POLR1B: variants seen among roughly 807,000 people sequenced by gnomAD.
POLR1B encodes the protein DNA-directed RNA polymerase I subunit RPA2.
Under a neutral mutation model 105.8 loss-of-function variants are expected in POLR1B, and 30 were observed. That is an observed-to-expected ratio of 0.28 (90% CI 0.21 to 0.38). The LOEUF is 0.38. Among genes scored for constraint, POLR1B ranks in the 10% least tolerant of loss-of-function variants. POLR1B has a pLI of 1.00. For synonymous variants in POLR1B, 485 were observed against 505.1 expected, an observed-to-expected ratio of 0.96 and a Z score of 0.53; for missense variants, 976 against 1,435.8, an observed-to-expected ratio of 0.68 and a Z score of 5.17.
chr2:112,579,081 G>A lies in POLR1B; in HGVS notation c.*3352G>A, dbSNP rs768646445. Among the ~76,000 whole-genome samples, 5 of 151,842 alleles carry A rather than the reference G, an allele frequency of 3.3e-5. No individual in the cohort carries two copies. The highest frequency in any genetic ancestry group is 7.4e-5 in the Non-Finnish European group (5 of 67,948). On this transcript the variant is annotated 3_prime_UTR_variant, in exon 15 of 15. Coordinates refer to ENST00000263331, the MANE Select transcript of POLR1B (RefSeq NM_019014.6). ...AAATTAGCTGGGTGTGATGGCACAC[G>A]CCTGTAATCCCAGCTACTCAGGAGG...
At chr2:112,559,218 T>G in intron 8 of POLR1B, 75 bp from the exon 9 acceptor site, 1 of 1,531,098 alleles carries the variant, frequency 6.5e-7, no homozygotes, top group Non-Finnish European at 8.9e-7. Flanking sequence ...TCTGAGGTTT[T>G]GTCGTCATAA....
intron 9 of POLR1B, among the ~76,000 whole-genome samples, chr2:112,562,719 CT>C (rs1684054395): frequency 7.6e-6 from 1 of 131,776 alleles, no homozygotes; most frequent in Admixed American, 7.4e-5. Flanking sequence ...GTGACAATTT[CT>C]TTTTTTTCTT....
chr2:112,553,915 C>CA (rs1479403382), intron 7 of POLR1B, among the ~76,000 whole-genome samples: 2 of 152,068 alleles, frequency 1.3e-5, no homozygotes, highest in African/African-American at 4.8e-5. Flanking sequence ...TGGCATGGCA[C>CA]AAAAATGATT....
At chr2:112,567,280 G>A (rs1464380493) in intron 10 of POLR1B, among the ~76,000 whole-genome samples, 1 of 151,974 alleles carries the variant, frequency 6.6e-6, no homozygotes, top group Non-Finnish European at 1.5e-5. Context: ...ATCCCCATGA[G>A]TTCTGACACA....
chr2:112,559,016 T>C (rs1413380870), intron 8 of POLR1B, among the ~76,000 whole-genome samples: 3 of 151,900 alleles, frequency 2.0e-5, no homozygotes, highest in Non-Finnish European at 4.4e-5. Flanking sequence ...TGAATTTAAC[T>C]ACTTGCTATT....
rs1684924367 is a variant in POLR1B, at chr2:112,577,539, AC to A, written c.*1813del. On this transcript the variant is annotated 3_prime_UTR_variant, in exon 15 of 15. Transcript: ENST00000263331. The stretch of plus-strand genomic sequence containing the variant: ...ACTCCAGCCTGGGTGACAGAGCAGG[AC>A]CCTGTCTCTATTTTATAAATTAAAA... Among the ~76,000 whole-genome samples, 1 of 151,980 alleles carries A rather than the reference AC, an allele frequency of 6.6e-6. No homozygotes were observed. Among genetic ancestry groups the A allele is most frequent in the Non-Finnish European group, 1.5e-5 (1 of 68,012 alleles).
At chr2:112,546,831 G>A (rs1683079493) in intron 1 of POLR1B, 181 bp from the exon 2 acceptor site, 4 of 520,614 alleles carry the variant, frequency 7.7e-6, no homozygotes, top group African/African-American at 1.9e-5. Context: ...CCAAAGTGCT[G>A]AGATTACAGG....
In POLR1B at chr2:112,572,682, T is replaced by C. The variant is rs1323977680; in HGVS notation, c.2195T>C (p.Met732Thr). The C allele has an allele frequency of 1.9e-6, 3 of 1,613,572 alleles. No homozygotes were observed. In the Admixed American group the frequency reaches 5.0e-5, roughly 27 times the overall value. Residue 732 changes from methionine (M) to threonine (T), a missense_variant, in exon 13 of 15, where the codon ATG becomes ACG. This residue lies in a region of POLR1B where 46 missense variants were observed against 66.8 expected (regional missense o/e 0.69). Coordinates refer to ENST00000263331, the MANE Select transcript of POLR1B (RefSeq NM_019014.6). ...CCCTCCATGTATGATTATTATGACA[T>C]GGATAACTATCCAATTGGGACCAAT... ...VRPSMYDYYD[M>T]DNYPIGTNAI...
At chr2:112,564,193 C>A in intron 9 of POLR1B, 173 bp from the exon 10 acceptor site, 1 of 707,842 alleles carries the variant, frequency 1.4e-6, no homozygotes, top group Non-Finnish European at 2.2e-6. Context: ...CATTGATAAG[C>A]CTGCTTGAAA....
chr2:112,564,527 T>A (rs1402977517), intron 10 of POLR1B, 28 bp downstream of exon 10: 1 of 1,613,890 alleles, frequency 6.2e-7, no homozygotes, highest in African/African-American at 1.3e-5. Flanking sequence ...TGAATTGTCC[T>A]ATCCCTTGAC....
At chr2:112,562,471 TC>T (rs1308990490) in intron 9 of POLR1B, among the ~76,000 whole-genome samples, 3 of 152,126 alleles carry the variant, frequency 2.0e-5, no homozygotes, top group African/African-American at 7.2e-5. Context: ...CAGGTTTGGT[TC>T]CAGAGCGCTG....
chr2:112,578,062 A>C lies in POLR1B; in HGVS notation c.*2333A>C, dbSNP rs1034978435. Among the ~76,000 whole-genome samples, 1 of 152,076 alleles carries C rather than the reference A, an allele frequency of 6.6e-6. No homozygotes were observed. The highest frequency in any genetic ancestry group is 2.4e-5 in the African/African-American group (1 of 41,422). On this transcript the variant is annotated 3_prime_UTR_variant, in exon 15 of 15. Transcript: ENST00000263331. ...GGTCTATTGTCATCGCTCCACTTCT[A>C]TTTTTAGCAGCACTAAAAACATTCC...
intron 5 of POLR1B, 103 bp from the exon 6 acceptor site, chr2:112,551,672 A>G: frequency 1.0e-6 from 1 of 960,720 alleles, no homozygotes. Context: ...CAGAGTGCTA[A>G]TTTTCCTTGG....
intron 4 of POLR1B, among the ~76,000 whole-genome samples, chr2:112,550,064 T>C (rs1036936119): frequency 5.3e-5 from 8 of 152,260 alleles, no homozygotes; most frequent in Non-Finnish European, 1.0e-4. Context: ...TGAAAGCTAG[T>C]CTGGCTTGGC....
intron 10 of POLR1B, among the ~76,000 whole-genome samples, chr2:112,566,672 C>T (rs1228140995): frequency 6.6e-6 from 1 of 151,908 alleles, no homozygotes; most frequent in Non-Finnish European, 1.5e-5. Context: ...GGAGTCATCA[C>T]CATCTTCAGA....
At chr2:112,545,368 CAAT>C (rs1682983042) in intron 1 of POLR1B, among the ~76,000 whole-genome samples, 1 of 152,070 alleles carries the variant, frequency 6.6e-6, no homozygotes, top group Non-Finnish European at 1.5e-5. Context: ...GTTACGGACT[CAAT>C]AATATGTATT....
In POLR1B at chr2:112,552,834, C is replaced by A; in HGVS notation, c.1158+18C>A. On this transcript the variant is annotated intron_variant, in intron 7 of 14. Coordinates refer to ENST00000263331, the MANE Select transcript of POLR1B (RefSeq NM_019014.6). ...TCCTGAAGGTAAATGCATGCTATGT[C>A]CACCCTTGGCCAGTGGTACCACTTG... 6.6e-7 allele frequency: 1 copy of A among 1,519,796 alleles called. No individual in the cohort carries two copies. Among genetic ancestry groups the A allele is most frequent in the Non-Finnish European group, 8.8e-7 (1 of 1,131,176 alleles). 94.1% of individuals were successfully genotyped at this position (1,519,796 alleles called of 1,614,324 possible). A position where few individuals can be genotyped will look rare whatever the true frequency, so the allele number is the denominator to read the frequency against.
chr2:112,565,108 T>C (rs1684206370), intron 10 of POLR1B, among the ~76,000 whole-genome samples: 1 of 152,248 alleles, frequency 6.6e-6, no homozygotes, highest in Admixed American at 6.5e-5. Context: ...GGGTTGTTTC[T>C]ACCTTTTGGT....
In POLR1B at chr2:112,548,580, C is replaced by T. The variant is rs367879067; in HGVS notation, c.493-687C>T. ...TTGAACGTATTTGGGAAACCATACT[C>T]GTATGGAAGCAAAATGGTTACAGTT... On this transcript the variant is annotated intron_variant, in intron 3 of 14. Transcript: ENST00000263331. Among the ~76,000 whole-genome samples, 8 of 151,776 alleles carry T rather than the reference C, an allele frequency of 5.3e-5. No individual in the cohort carries two copies. The South Asian group carries it at 1.2e-3, about 24-fold the overall frequency.
Sources: gnomAD v4.1 joint callset for allele counts (sites outside exome capture counted in the v4.1 genomes callset) on GRCh38, gnomAD v4.1.1 for gene constraint, gnomAD v4.1.1 regional missense constraint, MANE v1.5 for transcripts, NCBI Gene and HGNC (gene_info 2026-07-23, HGNC 2026-07-21) for gene names.